NAT1: variants seen among roughly 807,000 people sequenced by gnomAD.
NAT1 encodes the protein arylamine N-acetyltransferase 1.
For missense variants in NAT1, 400 were observed against 339.2 expected (o/e 1.18, Z -1.41); for synonymous variants, 144 against 122.6 (o/e 1.17, Z -1.16).
intron 2 of NAT1, among the ~76,000 whole-genome samples, chr8:18,185,412 C>A (rs1412570628): frequency 6.6e-6 from 1 of 151,754 alleles, no homozygotes; most frequent in Admixed American, 6.6e-5. Flanking sequence ...TTAAGTTTAC[C>A]AAAATTTTCA....
At chr8:18,221,420 A>AG (rs2117431172) in intron 2 of NAT1, among the ~76,000 whole-genome samples, 1 of 151,652 alleles carries the variant, frequency 6.6e-6, no homozygotes, top group African/African-American at 2.4e-5. Context: ...ACAATCTAAC[A>AG]GATTGCATGT....
At chr8:18,220,821 C>A (rs1805202634) in intron 2 of NAT1, among the ~76,000 whole-genome samples, 1 of 149,082 alleles carries the variant, frequency 6.7e-6, no homozygotes, top group Non-Finnish European at 1.5e-5. Flanking sequence ...AGCAAAAGTT[C>A]CTCAGTAAAG....
At chr8:18,189,395 G>C (rs572388475) in intron 2 of NAT1, among the ~76,000 whole-genome samples, 4 of 152,178 alleles carry the variant, frequency 2.6e-5, no homozygotes, top group South Asian at 4.2e-4. Context: ...AGAGTAGTAC[G>C]AGATGGGAAA....
intron 2 of NAT1, among the ~76,000 whole-genome samples, chr8:18,184,618 T>C (rs1313204075): frequency 6.6e-6 from 1 of 152,216 alleles, no homozygotes; most frequent in East Asian, 1.9e-4. Context: ...TAAGTAATGC[T>C]ATTATTTGAA....
chr8:18,201,633 G>A (rs1371203166), intron 2 of NAT1, among the ~76,000 whole-genome samples: 2 of 152,228 alleles, frequency 1.3e-5, no homozygotes, highest in Non-Finnish European at 1.5e-5. Flanking sequence ...CTCCCAGAGG[G>A]GATGGGCTGA....
chr8:18,192,949 C>T (rs1290349689), intron 2 of NAT1, among the ~76,000 whole-genome samples: 2 of 150,696 alleles, frequency 1.3e-5, no homozygotes, highest in African/African-American at 2.4e-5. Flanking sequence ...ATGTAACTAA[C>T]CTGCACATTG....
At chr8:18,198,690 C>T (rs554352556) in intron 2 of NAT1, among the ~76,000 whole-genome samples, 1 of 152,210 alleles carries the variant, frequency 6.6e-6, no homozygotes, top group South Asian at 2.1e-4. Flanking sequence ...GATGTTTTGA[C>T]ACATATATGC....
intron 1 of NAT1, chr8:18,212,551 G>A (rs1175468372): frequency 6.6e-6 from 1 of 152,138 alleles, no homozygotes; most frequent in Non-Finnish European, 1.5e-5. Flanking sequence ...TCAAGGCAAG[G>A]GCACTAGGCT....
At chr8:18,201,318 C>T (rs907945400) in intron 2 of NAT1, 4 of 152,040 alleles carry the variant, frequency 2.6e-5, no homozygotes, top group Non-Finnish European at 4.4e-5. Flanking sequence ...TGGGCTAATC[C>T]TAGGGCTAAG....
chr8:18,207,101 T>C (rs1460271174), upstream of NAT1, among the ~76,000 whole-genome samples: 3 of 152,236 alleles, frequency 2.0e-5, no homozygotes, highest in South Asian at 6.2e-4. Context: ...GCTAGCCAGT[T>C]CTCCCAGCAC....
In NAT1 at chr8:18,223,235, T is replaced by A. The variant is rs1178046938; in HGVS notation, c.*315T>A. ...TATTGTTGAATTCCTAGAAAAGTTT[T>A]ATTGGTAGATGAGTAAATAAAATAT... is the stretch of plus-strand genomic sequence containing the variant. On this transcript the variant is annotated 3_prime_UTR_variant, in exon 3 of 3. Coordinates refer to ENST00000307719, the MANE Select transcript of NAT1 (RefSeq NM_000662.8). The A allele has an allele frequency of 5.9e-6, 1 of 169,222 alleles. No individual in the cohort carries two copies. Among genetic ancestry groups the A allele is most frequent in the African/African-American group, 2.4e-5 (1 of 41,540 alleles). 10.5% of individuals were successfully genotyped at this position (169,222 alleles called of 1,614,324 possible).
intron 2 of NAT1, among the ~76,000 whole-genome samples, chr8:18,202,069 C>T (rs1051773301): frequency 2.6e-5 from 4 of 152,182 alleles, no homozygotes; most frequent in Admixed American, 1.3e-4. Context: ...GTAAGCGCAT[C>T]TCTCTCTCTG....
At chr8:18,201,710 A>G (rs73571963) in intron 2 of NAT1, among the ~76,000 whole-genome samples, 1,713 of 152,260 alleles carry the variant, frequency 0.011, 36 homozygotes, top group African/African-American at 0.039. Flanking sequence ...AGTGGAGTAC[A>G]CTGTGGAAGC....
intron 1 of NAT1, among the ~76,000 whole-genome samples, chr8:18,214,891 A>G (rs952498687): frequency 6.6e-6 from 1 of 152,168 alleles, no homozygotes; most frequent in African/African-American, 2.4e-5. Context: ...CTTTGTATTA[A>G]TTAATTCTCA....
upstream of NAT1, among the ~76,000 whole-genome samples, chr8:18,205,348 G>A (rs1589092894): frequency 6.6e-6 from 1 of 152,300 alleles, no homozygotes; most frequent in Admixed American, 6.5e-5. Context: ...GGTGGTATTG[G>A]CTTGGGGGTA....
Position 18,222,767 on chromosome 8 carries a change from C to G in NAT1, c.720C>G (p.Thr240=). ...ACTGTTTGGTGGGCTTCACCCTCAC[C>G]CATAGGAGATTCAATTATAAGGACA... The part of the protein sequence containing the change: ...GVHCLVGFTL[T]HRRFNYKDNT... Residue 240 remains threonine, a synonymous_variant, in exon 3 of 3, where the codon ACC becomes ACG. Transcript: ENST00000307719. The G allele has an allele frequency of 6.2e-7, 1 of 1,613,590 alleles. No homozygotes were observed. Among genetic ancestry groups the G allele is most frequent in the Non-Finnish European group, 8.5e-7 (1 of 1,179,862 alleles).
chr8:18,185,305 A>T (rs1802690298), intron 2 of NAT1, among the ~76,000 whole-genome samples: 1 of 152,150 alleles, frequency 6.6e-6, no homozygotes, highest in Admixed American at 6.5e-5. Context: ...TGAATTTTTT[A>T]AATTTATAGA....
rs536742262 is a variant in NAT1, at chr8:18,199,861, G to A, written n.93-9920G>A. ...ACATTAAAAGATGGGAAAAGGATAT[G>A]AACAGACACTTTTCAAAAGAAGACA... On this transcript the variant is annotated intron_variant and non_coding_transcript_variant, in intron 2 of 4. Coordinates refer to the NAT1 transcript ENST00000517441. Among the ~76,000 whole-genome samples, 15 of 152,304 alleles carry A rather than the reference G, an allele frequency of 9.8e-5. No homozygotes were observed. In the East Asian group the frequency reaches 2.7e-3, roughly 27 times the overall value.
chr8:18,210,322 T>G (rs76841443), intron 1 of NAT1, 142 bp downstream of exon 1: 1 of 152,334 alleles, frequency 6.6e-6, no homozygotes, highest in African/African-American at 2.4e-5. Context: ...ACTTGGAAGC[T>G]AATGCTGTCA....
Sources: allele counts gnomAD v4.1 joint callset (sites outside exome capture counted in the v4.1 genomes callset), GRCh38; gene constraint gnomAD v4.1.1; transcripts MANE v1.5; gene names NCBI Gene and HGNC (gene_info 2026-07-23, HGNC 2026-07-21).